SLC35F4: variants seen among roughly 807,000 people sequenced by gnomAD.
SLC35F4 encodes solute carrier family 35 member F4.
In SLC35F4, 24 loss-of-function variants were observed where a neutral mutation model predicts 44.2. The observed-to-expected ratio is 0.54, with a 90% confidence interval of 0.39 to 0.76. The LOEUF is 0.76. Among genes scored for constraint, SLC35F4 ranks in the 30% least tolerant of loss-of-function variants. The probability of loss-of-function intolerance (pLI) is 0.00; values close to 1 mark genes in which losing one functional copy is unlikely to be tolerated. For missense variants in SLC35F4, 562 were observed against 586.1 expected, an observed-to-expected ratio of 0.96 and a Z score of 0.42; for synonymous variants, 238 against 223.6, an observed-to-expected ratio of 1.06 and a Z score of -0.57.
intron 1 of SLC35F4, among the ~76,000 whole-genome samples, chr14:57,812,874 T>G (rs1262673109): frequency 2.6e-5 from 4 of 152,214 alleles, no homozygotes; most frequent in Non-Finnish European, 5.9e-5. Flanking sequence ...CAGCATTAGA[T>G]GTCCTGAGAC....
intron 1 of SLC35F4, among the ~76,000 whole-genome samples, chr14:57,804,768 A>C (rs1881104769): frequency 6.6e-6 from 1 of 152,238 alleles, no homozygotes; most frequent in Non-Finnish European, 1.5e-5. Context: ...AAGTTGACAA[A>C]TGGGGTCTAA....
At chr14:57,671,991 C>T (rs2074537698) in intron 1 of SLC35F4, among the ~76,000 whole-genome samples, 1 of 152,078 alleles carries the variant, frequency 6.6e-6, no homozygotes, top group African/African-American at 2.4e-5. Context: ...ATCTCTTAAA[C>T]TTGATTCCTT....
At chr14:57,875,237 C>G (rs1226449276) in intron 1 of SLC35F4, among the ~76,000 whole-genome samples, 11 of 152,160 alleles carry the variant, frequency 7.2e-5, no homozygotes, top group Non-Finnish European at 1.5e-4. Flanking sequence ...AAGAAATCAT[C>G]AGCTGGGCAT....
intron 1 of SLC35F4, among the ~76,000 whole-genome samples, chr14:57,612,862 A>G (rs972294921): frequency 3.4e-5 from 5 of 147,384 alleles, no homozygotes; most frequent in African/African-American, 9.8e-5. Flanking sequence ...CCTCCATGAA[A>G]GAATGTTGGG....
At chr14:57,722,433 C>T (rs1181353842) in intron 1 of SLC35F4, among the ~76,000 whole-genome samples, 2 of 152,260 alleles carry the variant, frequency 1.3e-5, no homozygotes, top group South Asian at 4.1e-4. Context: ...AGAAGATACA[C>T]CCTTGACCAA....
chr14:57,588,132 A>G (rs777801564), intron 3 of SLC35F4, among the ~76,000 whole-genome samples: 5 of 152,174 alleles, frequency 3.3e-5, no homozygotes, highest in Non-Finnish European at 7.4e-5. Context: ...GTGCCACTGC[A>G]CTCCAGCCTG....
intron 1 of SLC35F4, among the ~76,000 whole-genome samples, chr14:57,893,266 G>C (rs922555711): frequency 2.6e-5 from 4 of 152,152 alleles, no homozygotes; most frequent in Admixed American, 2.6e-4. Flanking sequence ...TGAAGCTATG[G>C]GTCGATATAT....
intron 1 of SLC35F4, among the ~76,000 whole-genome samples, chr14:57,697,233 T>C (rs1378262321): frequency 6.6e-6 from 1 of 152,184 alleles, no homozygotes; most frequent in Non-Finnish European, 1.5e-5. Flanking sequence ...ACATTGGTCA[T>C]TTGCAAGTGT....
At chr14:57,862,041 T>C (rs558419007) in intron 1 of SLC35F4, among the ~76,000 whole-genome samples, 1 of 152,296 alleles carries the variant, frequency 6.6e-6, no homozygotes, top group African/African-American at 2.4e-5. Flanking sequence ...TTAGTATCTC[T>C]AAAACGTTAT....
chr14:57,707,736 GAC>G (rs1025620911), intron 1 of SLC35F4, among the ~76,000 whole-genome samples: 1 of 152,168 alleles, frequency 6.6e-6, no homozygotes, highest in Non-Finnish European at 1.5e-5. Flanking sequence ...CTCAGGAAAA[GAC>G]AGGAAAATGT....
chr14:57,630,158 C>T, intron 1 of SLC35F4: 1 of 557,108 alleles, frequency 1.8e-6, no homozygotes, highest in South Asian at 1.4e-5. Flanking sequence ...TACAGTTTGC[C>T]TAGGGGGATC....
At chr14:57,856,387 G>A (rs752522517) in intron 1 of SLC35F4, among the ~76,000 whole-genome samples, 5 of 151,936 alleles carry the variant, frequency 3.3e-5, no homozygotes, top group Non-Finnish European at 7.4e-5. Context: ...CAAAGTTTGT[G>A]GTCTTTGCAT....
chr14:57,942,464 C>A (rs1407980082), intron 1 of SLC35F4, among the ~76,000 whole-genome samples: 1 of 152,154 alleles, frequency 6.6e-6, no homozygotes, highest in African/African-American at 2.4e-5. Flanking sequence ...GAGATAACTT[C>A]AGATGACTTT....
At chr14:57,941,952 A>T (rs1889923308) in intron 1 of SLC35F4, among the ~76,000 whole-genome samples, 1 of 152,160 alleles carries the variant, frequency 6.6e-6, no homozygotes, top group African/African-American at 2.4e-5. Flanking sequence ...TCTGCATCTT[A>T]TCAAGTGATG....
chr14:57,654,687 G>T (rs905517027), intron 1 of SLC35F4, among the ~76,000 whole-genome samples: 17 of 152,144 alleles, frequency 1.1e-4, no homozygotes, highest in African/African-American at 3.9e-4. Flanking sequence ...CATAATGGTT[G>T]TACTAGTTTA....
intron 1 of SLC35F4, among the ~76,000 whole-genome samples, chr14:57,775,450 G>C (rs929556836): frequency 6.6e-6 from 1 of 152,228 alleles, no homozygotes; most frequent in Admixed American, 6.5e-5. Context: ...GGTACAGCAG[G>C]TTCCTAACCT....
chr14:57,701,478 C>T (rs117715049), intron 1 of SLC35F4, among the ~76,000 whole-genome samples: 2,672 of 152,208 alleles, frequency 0.018, 46 homozygotes, highest in South Asian at 0.053. Context: ...TTATCATTAT[C>T]AAGTATTATA....
At chr14:57,635,934 A>C (rs1312074885) in intron 1 of SLC35F4, among the ~76,000 whole-genome samples, 2 of 152,148 alleles carry the variant, frequency 1.3e-5, no homozygotes. Context: ...AGCAAGAGAA[A>C]TGGAGCCTTA....
intron 1 of SLC35F4, among the ~76,000 whole-genome samples, chr14:57,705,785 TA>T (rs2075657443): frequency 6.6e-6 from 1 of 152,196 alleles, no homozygotes; most frequent in African/African-American, 2.4e-5. Flanking sequence ...ACTTTTTAAT[TA>T]AAGCCTTTGA....
Sources: gnomAD v4.1 joint callset for allele counts (sites outside exome capture counted in the v4.1 genomes callset) on GRCh38, gnomAD v4.1.1 for gene constraint, MANE v1.5 for transcripts, NCBI Gene and HGNC (gene_info 2026-07-23, HGNC 2026-07-21) for gene names.